Variants in ATP10D observed in about 807,000 individuals in gnomAD.
ATP10D encodes ATPase phospholipid transporting 10D (putative), also known as phospholipid-transporting ATPase VD.
In ATP10D, 89 loss-of-function variants were observed where a neutral mutation model predicts 144.8. That is an observed-to-expected ratio of 0.61 (90% CI 0.52 to 0.73). ATP10D has a LOEUF of 0.73. Among genes scored for constraint, ATP10D ranks in the 30% least tolerant of loss-of-function variants. ATP10D has a pLI of 0.00. For synonymous variants in ATP10D, 571 were observed against 615.1 expected, an observed-to-expected ratio of 0.93 and a Z score of 1.06; for missense variants, 1,603 against 1,714.8, an observed-to-expected ratio of 0.93 and a Z score of 1.15.
chr4:47,505,840 A>T (rs1263955350), intron 1 of ATP10D, among the ~76,000 whole-genome samples: 1 of 152,168 alleles, frequency 6.6e-6, no homozygotes, highest in African/African-American at 2.4e-5. Context: ...TGAAATGATT[A>T]TAGATTTTTT....
In ATP10D at chr4:47,557,960, C is replaced by A. The variant is rs1305233465; in HGVS notation, c.2121C>A (p.Gly707=). 8 of 1,614,078 alleles carry A rather than the reference C, an allele frequency of 5.0e-6. No homozygotes were observed. In the African/African-American group the frequency reaches 1.1e-4, roughly 22 times the overall value. Residue 707 remains glycine (G), a synonymous_variant, in exon 12 of 23, where the codon GGC becomes GGA. Transcript: ENST00000273859. ...KQHGDAGLLN[G]KAESLPGQPL... ...ACGGTGATGCAGGCCTCCTGAATGG[C>A]AAGGCAGAGTCCCTCCCTGGACAGC...
At chr4:47,544,078 T>A (rs1718296159) in intron 9 of ATP10D, among the ~76,000 whole-genome samples, 1 of 152,324 alleles carries the variant, frequency 6.6e-6, no homozygotes, top group Non-Finnish European at 1.5e-5. Flanking sequence ...ATAGGTAGAT[T>A]CAGAAACAGT....
At chr4:47,542,626 C>T (rs566268812) in intron 9 of ATP10D, among the ~76,000 whole-genome samples, 305 of 151,844 alleles carry the variant, frequency 2.0e-3, no homozygotes, top group Middle Eastern at 3.5e-3. Flanking sequence ...TACAGGTGCC[C>T]GCCACCACAC....
intron 19 of ATP10D, 58 bp downstream of exon 19, chr4:47,577,031 GTT>G (rs2109470209): frequency 6.7e-7 from 1 of 1,497,236 alleles, no homozygotes; most frequent in East Asian, 2.3e-5. Context: ...AAGCCAGTGT[GTT>G]TTCTTAGTTA....
intron 1 of ATP10D, among the ~76,000 whole-genome samples, chr4:47,503,099 G>T (rs1014639052): frequency 8.5e-5 from 13 of 152,170 alleles, no homozygotes; most frequent in African/African-American, 3.1e-4. Flanking sequence ...CTACTCAGGA[G>T]GCTGAGGCAG....
In ATP10D at chr4:47,569,048, G is replaced by T; in HGVS notation, c.3065G>T (p.Trp1022Leu). The part of the protein sequence containing the change: ...LQKQFLELTS[W>L]CQAVVCCRAT... ...AAGCAGTTCCTGGAACTGACATCTT[G>T]GTGTCAAGCTGTGGTCTGCTGCCGA... Residue 1022 changes from tryptophan (W) to leucine (L), a missense_variant, in exon 16 of 23, where the codon TGG (tryptophan) becomes TTG (leucine). Transcript: ENST00000273859. 1 of 1,614,176 alleles carries T rather than the reference G, an allele frequency of 6.2e-7. No individual in the cohort carries two copies. Among genetic ancestry groups the T allele is most frequent in the Non-Finnish European group, 8.5e-7 (1 of 1,180,028 alleles).
chr4:47,535,539 C>A lies in ATP10D; in HGVS notation c.807C>A (p.Leu269=). 5.0e-6 allele frequency: 8 copies of A among 1,612,888 alleles called. No homozygotes were observed. The highest frequency in any genetic ancestry group is 5.9e-6 in the Non-Finnish European group (7 of 1,179,376). Residue 269 remains leucine, a synonymous_variant, in exon 6 of 23, where the codon CTC becomes CTA. Transcript: ENST00000273859. ...ATTCCAACAAAGAACGCGTGGGTCT[C>A]AGTAAAGAAAATTTGTTGCTTAGAG... The part of the protein sequence containing the change: ...LEHSNKERVG[L]SKENLLLRGC...
intron 5 of ATP10D, among the ~76,000 whole-genome samples, chr4:47,530,142 T>C (rs1717484610): frequency 6.6e-6 from 1 of 152,192 alleles, no homozygotes; most frequent in East Asian, 1.9e-4. Flanking sequence ...TTATTTTTTT[T>C]CCTCTTGCCT....
chr4:47,564,417 A>G (rs1355943582), intron 15 of ATP10D, among the ~76,000 whole-genome samples: 1 of 152,150 alleles, frequency 6.6e-6, no homozygotes, highest in African/African-American at 2.4e-5. Flanking sequence ...AAATATATCA[A>G]GTCCTGGTAC....
In ATP10D at chr4:47,485,472, T is replaced by G. The variant is rs1714696554; in HGVS notation, c.-85T>G. 1 of 151,948 alleles carries G rather than the reference T, an allele frequency of 6.6e-6. No homozygotes were observed. The allele number at this position is 151,948 out of a possible 1,614,324, so 9.4% of individuals were successfully genotyped here. On this transcript the variant is annotated 5_prime_UTR_variant, in exon 1 of 23. Transcript: ENST00000273859. ...TTGTGCTTAGCTCTTTTCTTGTACC[T>G]TGCGACTCGTGACCAACATGCTGTG...
In ATP10D at chr4:47,563,629, T is replaced by C. The variant is rs769294120; in HGVS notation, c.2717T>C (p.Ile906Thr). 56 of 1,613,820 alleles carry C rather than the reference T, an allele frequency of 3.5e-5. No homozygotes were observed. In the Middle Eastern group the frequency reaches 4.9e-4, roughly 14 times the overall value. ...CTGCAGGAGGGAGTCCCTGAATCTATAGAAGCTCTTCACAAAGCGGGCATC... is the reference window on the plus strand; with the variant it reads ...CTGCAGGAGGGAGTCCCTGAATCTACAGAAGCTCTTCACAAAGCGGGCATC... ...DRLQEGVPES[I>T]EALHKAGIKI... The change falls in exon 15 of 23, where the codon ATA becomes ACA. Residue 906 changes from isoleucine to threonine, a missense_variant. Transcript: ENST00000273859.
rs1720822998 is a variant in ATP10D, at chr4:47,587,076, A to C, written c.3811A>C (p.Ile1271Leu). The C allele has an allele frequency of 9.9e-6, 16 of 1,613,894 alleles. No homozygotes were observed. The highest frequency in any genetic ancestry group is 1.3e-5 in the Non-Finnish European group (15 of 1,179,942). ...CATCTTGTCTTATTTTTTATTTGCC[A>C]TAGTTTTTGGAGCCATGTGTGTAAC... ...GSILSYFLFA[I>L]VFGAMCVTCN... Residue 1271 changes from isoleucine (I) to leucine (L), a missense_variant, in exon 22 of 23, where the codon ATA (isoleucine) becomes CTA (leucine). By Grantham distance (5) the Ile-to-Leu change is conservative (BLOSUM62 2). Coordinates refer to ENST00000273859, the MANE Select transcript of ATP10D (RefSeq NM_020453.4).
rs1721048701 is a variant in ATP10D at position 47,591,516 on chromosome 4, A to G, written c.*135A>G. The G allele has an allele frequency of 5.9e-6, 4 of 679,356 alleles. No homozygotes were observed. The Admixed American group carries it at 1.2e-4, about 20-fold the overall frequency. 42.1% of individuals were successfully genotyped at this position (679,356 alleles called of 1,614,324 possible). A position where few individuals can be genotyped will look rare whatever the true frequency, so the allele number is the denominator to read the frequency against. On this transcript the variant is annotated 3_prime_UTR_variant, in exon 23 of 23. Coordinates refer to ENST00000273859, the MANE Select transcript of ATP10D (RefSeq NM_020453.4). ...TACTAGGCTTGGAAGAGCTGACATG[A>G]TGAGCATTATTGTATGTTTGTATAT...
intron 10 of ATP10D, among the ~76,000 whole-genome samples, chr4:47,552,646 GTAGTAAA>G (rs1361612713): frequency 3.3e-5 from 5 of 152,154 alleles, no homozygotes; most frequent in African/African-American, 9.7e-5. Flanking sequence ...CATTTAGACC[GTAGTAAA>G]TAGCATTTGT....
chr4:47,498,347 G>T (rs938387674), intron 1 of ATP10D, among the ~76,000 whole-genome samples: 3 of 152,164 alleles, frequency 2.0e-5, no homozygotes, highest in Non-Finnish European at 4.4e-5. Context: ...AGTATCTCTG[G>T]CTTCTTTCCA....
At chr4:47,498,436 C>T (rs1715512223) in intron 1 of ATP10D, among the ~76,000 whole-genome samples, 1 of 152,158 alleles carries the variant, frequency 6.6e-6, no homozygotes, top group Admixed American at 6.5e-5. Context: ...ATTTGAGGAC[C>T]ACTGCTCTAA....
chr4:47,539,688 T>A (rs748111994), intron 9 of ATP10D, among the ~76,000 whole-genome samples: 1 of 152,184 alleles, frequency 6.6e-6, no homozygotes, highest in Non-Finnish European at 1.5e-5. Context: ...ATTTGTGAGG[T>A]TAGTGTTTTC....
At chr4:47,502,817 G>A (rs1476630024) in intron 1 of ATP10D, among the ~76,000 whole-genome samples, 1 of 151,952 alleles carries the variant, frequency 6.6e-6, no homozygotes, top group East Asian at 1.9e-4. Flanking sequence ...ATGAAACAAT[G>A]CATCTAGATA....
In ATP10D at chr4:47,557,774, G is replaced by A; in HGVS notation, c.1935G>A (p.Gly645=). The change falls in exon 12 of 23, where the codon GGG becomes GGA. Residue 645 remains glycine, a synonymous_variant. Transcript: ENST00000273859. The part of the protein sequence containing the change: ...RRSSSPSLNS[G]KEPSSGVPNA... Reference sequence around the variant, plus strand: ...CAAGTTCTCCATCGCTTAACAGTGGGAAAGAGCCATCTTCTGGAGTTCCAA... The same window carrying A: ...CAAGTTCTCCATCGCTTAACAGTGGAAAAGAGCCATCTTCTGGAGTTCCAA... The A allele has an allele frequency of 1.2e-6, 2 of 1,614,202 alleles. No homozygotes were observed. Among genetic ancestry groups the A allele is most frequent in the South Asian group, 1.1e-5 (1 of 91,082 alleles).
Sources: allele counts gnomAD v4.1 joint callset (sites outside exome capture counted in the v4.1 genomes callset), GRCh38; gene constraint gnomAD v4.1.1; transcripts MANE v1.5; gene names NCBI Gene and HGNC (gene_info 2026-07-23, HGNC 2026-07-21).